Variants in DOCK8 observed in about 807,000 individuals in gnomAD.
The protein encoded by DOCK8 is dedicator of cytokinesis 8, also known as dedicator of cytokinesis protein 8.
In DOCK8, 141 loss-of-function variants were observed where a neutral mutation model predicts 245.6. The ratio of observed to expected loss-of-function variants is 0.57; its 90% CI spans 0.50 to 0.66. DOCK8 has a LOEUF of 0.66. Ranked by LOEUF, DOCK8 falls within the 30% of genes least tolerant of loss-of-function variation. The pLI is 0.00. For synonymous variants in DOCK8, 1,168 were observed against 970.2 expected (o/e 1.20, Z -3.79); for missense variants, 2,965 against 2,603.4 (o/e 1.14, Z -3.02).
intron 1 of DOCK8, among the ~76,000 whole-genome samples, chr9:221,792 A>G (rs987506562): frequency 6.6e-6 from 1 of 152,000 alleles, no homozygotes; most frequent in African/African-American, 2.4e-5. Context: ...ACTGCACTCC[A>G]GCCTGGGTGA....
chr9:273,078 G>A (rs559313825), intron 2 of DOCK8: 17 of 985,348 alleles, frequency 1.7e-5, no homozygotes, highest in East Asian at 2.3e-4. Flanking sequence ...TTTACGCGCC[G>A]TGTAACTGTG....
chr9:449,876 A>C lies in DOCK8; in HGVS notation c.5910A>C (p.Ala1970=). The change falls in exon 45 of 48, where the codon GCA becomes GCC. Residue 1970 remains alanine (A), a synonymous_variant. Coordinates refer to ENST00000432829, the MANE Select transcript of DOCK8 (RefSeq NM_203447.4). ...CCATTAACCAGGAGCCGCCTGATGC[A>C]AAGATGCTTCAGATGGTGCTGCAAG... ...AVAINQEPPD[A]KMLQMVLQGS... is the part of the protein sequence containing the mutation. The C allele has an allele frequency of 6.2e-7, 1 of 1,613,888 alleles. No individual in the cohort carries two copies. Among genetic ancestry groups the C allele is most frequent in the Non-Finnish European group, 8.5e-7 (1 of 1,180,036 alleles).
intron 14 of DOCK8, among the ~76,000 whole-genome samples, chr9:361,397 G>A (rs563345657): frequency 7.2e-5 from 11 of 152,284 alleles, no homozygotes; most frequent in Non-Finnish European, 1.3e-4. Flanking sequence ...AAGGCACTCC[G>A]TTTGTTCACA....
chr9:215,271 C>T lies in DOCK8; in HGVS notation c.53+242C>T, dbSNP rs138199215. The T allele has an allele frequency of 5.0e-5, 81 of 1,605,978 alleles. 1 individual carries two copies. The African/African-American group carries it at 8.3e-4, about 17-fold the overall frequency. ...TCTCGGTGCTCCTGGATGTCCTCAG[C>T]CGCCGGGGATCCCTTCCCCGAACAA... On this transcript the variant is annotated intron_variant, in intron 1 of 47. Coordinates refer to ENST00000432829, the MANE Select transcript of DOCK8 (RefSeq NM_203447.4).
At chr9:261,280 A>G (rs2047911441) in intron 1 of DOCK8, among the ~76,000 whole-genome samples, 1 of 152,182 alleles carries the variant, frequency 6.6e-6, no homozygotes, top group Non-Finnish European at 1.5e-5. Flanking sequence ...TATTACATGT[A>G]GTTTTCTTCT....
intron 6 of DOCK8, among the ~76,000 whole-genome samples, chr9:314,680 T>C (rs1262969056): frequency 6.6e-6 from 1 of 152,204 alleles, no homozygotes; most frequent in East Asian, 1.9e-4. Flanking sequence ...TTGAAGCTGT[T>C]GTCACAGAAA....
intron 5 of DOCK8, among the ~76,000 whole-genome samples, chr9:311,324 T>C (rs67483170): frequency 0.15 from 23,107 of 150,002 alleles, 3,152 homozygotes; most frequent in African/African-American, 0.37. Flanking sequence ...ACTGCAGCCT[T>C]GAACTCCTGG....
chr9:292,343 C>T (rs762596054), intron 4 of DOCK8, among the ~76,000 whole-genome samples: 7 of 127,432 alleles, frequency 5.5e-5, no homozygotes, highest in Non-Finnish European at 7.8e-5. Context: ...GCCAAGATCG[C>T]GCCATTGCAC....
intron 18 of DOCK8, among the ~76,000 whole-genome samples, chr9:375,334 C>T (rs1450947524): frequency 6.6e-6 from 1 of 152,148 alleles, no homozygotes; most frequent in Non-Finnish European, 1.5e-5. Context: ...AAGAAACTGT[C>T]TGTAAGACCT....
chr9:230,864 T>C (rs1429789510), intron 1 of DOCK8, among the ~76,000 whole-genome samples: 1 of 152,188 alleles, frequency 6.6e-6, no homozygotes, highest in East Asian at 1.9e-4. Context: ...CTGTTCACTC[T>C]GATGGTAGTT....
chr9:288,741 G>A lies in DOCK8; in HGVS notation c.333-769G>A, dbSNP rs528984430. 2.3e-3 allele frequency among the ~76,000 whole-genome samples: 354 copies of A among 152,282 alleles called. 1 individual carries two copies. The highest frequency in any genetic ancestry group is 6.6e-3 in the South Asian group (32 of 4,822). On this transcript the variant is annotated intron_variant, in intron 3 of 47. Transcript: ENST00000432829. ...GGCTTATGGTCACATAGCTATAAGC[G>A]ATGAAGCTGGGATTTGGGCAATTAG...
At position 429,793 on chromosome 9, in the gene DOCK8, C is replaced by T. The variant is rs1236844423; in HGVS notation, c.4565C>T (p.Thr1522Ile). ...CACTGCAGCAGCAGCATGGATGTCA[C>T]CCGGAGCCAAGCCTGTGCCACCCTT... Reference protein sequence around the residue: ...LHHCSSSMDVTRSQACATLYL... With the variant: ...LHHCSSSMDVIRSQACATLYL... Residue 1522 changes from threonine to isoleucine, a missense_variant, in exon 36 of 48, where the codon ACC becomes ATC. Physicochemically the swap from Thr to Ile is moderately conservative, Grantham distance 89. Transcript: ENST00000432829. 1.9e-6 allele frequency: 3 copies of T among 1,614,198 alleles called. No individual in the cohort carries two copies. In the South Asian group the frequency reaches 3.3e-5, roughly 18 times the overall value.
intron 2 of DOCK8, chr9:276,979 G>T: frequency 2.9e-6 from 1 of 341,094 alleles, no homozygotes; most frequent in Non-Finnish European, 6.2e-6. Context: ...GCTAATTTTT[G>T]TATTTTTTTT....
intron 5 of DOCK8, among the ~76,000 whole-genome samples, chr9:311,304 A>G (rs1430601518): frequency 1.4e-5 from 2 of 144,968 alleles, no homozygotes; most frequent in African/African-American, 5.2e-5. Flanking sequence ...AAAAAAGGTA[A>G]TCATACCTCA....
intron 20 of DOCK8, 47 bp from the exon 21 acceptor site, chr9:379,722 TCC>T (rs1433040412): frequency 3.5e-5 from 57 of 1,606,632 alleles, no homozygotes; most frequent in Non-Finnish European, 4.7e-5. Context: ...CACCTCAGGC[TCC>T]TTAAGGACCA....
At chr9:219,130 T>A (rs1348288657) in intron 1 of DOCK8, among the ~76,000 whole-genome samples, 2 of 152,220 alleles carry the variant, frequency 1.3e-5, no homozygotes, top group Non-Finnish European at 2.9e-5. Flanking sequence ...ATGTGCTACA[T>A]ATTGTGCTAA....
chr9:313,761 T>TCACA (rs569447957), intron 6 of DOCK8, among the ~76,000 whole-genome samples: 1 of 152,152 alleles, frequency 6.6e-6, no homozygotes, highest in Non-Finnish European at 1.5e-5. Flanking sequence ...AATGTTCTCA[T>TCACA]CACACACACA....
At chr9:335,665 C>G (rs1269231629) in intron 11 of DOCK8, among the ~76,000 whole-genome samples, 1 of 152,056 alleles carries the variant, frequency 6.6e-6, no homozygotes, top group South Asian at 2.1e-4. Flanking sequence ...GGCACACAAG[C>G]TAGGTAATTC....
At chr9:325,135 A>ATC (rs2050701836) in intron 7 of DOCK8, among the ~76,000 whole-genome samples, 4 of 31,478 alleles carry the variant, frequency 1.3e-4, no homozygotes, top group Admixed American at 3.3e-4. Flanking sequence ...CCTGCAAAAG[A>ATC]CATTAATTAT....
Sources: gnomAD v4.1 joint callset for allele counts (sites outside exome capture counted in the v4.1 genomes callset) on GRCh38, gnomAD v4.1.1 for gene constraint, MANE v1.5 for transcripts, NCBI Gene and HGNC (gene_info 2026-07-23, HGNC 2026-07-21) for gene names.